The following PCNT variants were observed in gnomAD, a reference collection of about 807,000 sequenced individuals.
The protein encoded by PCNT is kendrin.
Under a neutral mutation model 380.4 loss-of-function variants are expected in PCNT, and 319 were observed. The observed-to-expected ratio is 0.84, with a 90% CI of 0.77 to 0.92. The LOEUF is 0.92. Among genes scored for constraint, PCNT ranks in the 40% least tolerant of loss-of-function variants. The pLI is 0.00. For missense variants in PCNT, 4,400 were observed against 4,255.3 expected (o/e 1.03, Z -0.95); for synonymous variants, 1,845 against 1,735.2 (o/e 1.06, Z -1.57).
At chr21:46,377,684 C>T (rs563237301) in intron 15 of PCNT, among the ~76,000 whole-genome samples, 1 of 152,066 alleles carries the variant, frequency 6.6e-6, no homozygotes, top group African/African-American at 2.4e-5. Context: ...TAAAAAAATA[C>T]TAAAAATAAA....
chr21:46,434,944 C>T (rs755804350), intron 38 of PCNT, among the ~76,000 whole-genome samples: 7 of 152,156 alleles, frequency 4.6e-5, no homozygotes, highest in Non-Finnish European at 1.0e-4. Context: ...CTTTGGACCC[C>T]GCGTGCTTGC....
In PCNT at chr21:46,338,411, T is replaced by C. The variant is rs1453695053; in HGVS notation, c.639+3643T>C. ...TGGAATTCTATAATATGTAGGCTTT[T>C]GGGTCCAGGTTTTTAAATCACTTAG... On this transcript the variant is annotated intron_variant, in intron 3 of 46. Transcript: ENST00000359568. Among the ~76,000 whole-genome samples, 3 of 152,196 alleles carry C rather than the reference T, an allele frequency of 2.0e-5. No individual in the cohort carries two copies. The East Asian group carries it at 5.8e-4, about 29-fold the overall frequency.
rs772478708 is a variant in PCNT, at chr21:46,428,557, G to A, written c.7657G>A (p.Gly2553Arg). 1.1e-5 allele frequency: 18 copies of A among 1,605,716 alleles called. No individual in the cohort carries two copies. Among genetic ancestry groups the A allele is most frequent in the Admixed American group, 6.7e-5 (4 of 59,788 alleles). Residue 2553 changes from glycine to arginine, a missense_variant, in exon 35 of 47, where the codon GGG becomes AGG. By Grantham distance (125) the Gly-to-Arg change is moderately radical (BLOSUM62 -2). Coordinates refer to ENST00000359568, the MANE Select transcript of PCNT (RefSeq NM_006031.6). ...GGCGCTGACAAGCGCAGAGGCGCGC[G>A]GGAGCCAGCAGGAGCACCAGCTGCG... ...RTALTSAEARGSQQEHQLRRQ... is the reference protein window; with the variant it reads ...RTALTSAEARRSQQEHQLRRQ...
chr21:46,394,077 T>A (rs147388127), intron 21 of PCNT, among the ~76,000 whole-genome samples: 2 of 152,354 alleles, frequency 1.3e-5, no homozygotes, highest in Admixed American at 6.5e-5. Flanking sequence ...TGCCCTAGTT[T>A]CTCACTCTGG....
At chr21:46,379,631 G>A (rs1304693822) in intron 15 of PCNT, among the ~76,000 whole-genome samples, 1 of 152,100 alleles carries the variant, frequency 6.6e-6, no homozygotes, top group Non-Finnish European at 1.5e-5. Context: ...TTTTCTTCAT[G>A]TTTCTTTCTG....
chr21:46,427,895 G>A lies in PCNT; in HGVS notation c.7494+100G>A, dbSNP rs186389719. Reference sequence around the variant, plus strand: ...GTTTTGTGTGTGAATTTCGGTTTGTGTGTTTCTCTCGACCGCTGGAATGTG... The same window carrying A: ...GTTTTGTGTGTGAATTTCGGTTTGTATGTTTCTCTCGACCGCTGGAATGTG... On this transcript the variant is annotated intron_variant, in intron 34 of 46. Coordinates refer to ENST00000359568, the MANE Select transcript of PCNT (RefSeq NM_006031.6). The A allele has an allele frequency of 1.8e-4, 247 of 1,352,994 alleles. 2 individuals are homozygous for A. The Middle Eastern group carries it at 2.5e-3, about 13-fold the overall frequency. 83.8% of individuals were successfully genotyped at this position (1,352,994 alleles called of 1,614,324 possible).
chr21:46,433,679 A>G (rs1331625860), intron 38 of PCNT, among the ~76,000 whole-genome samples: 1 of 152,132 alleles, frequency 6.6e-6, no homozygotes, highest in East Asian at 1.9e-4. Flanking sequence ...AAAAATAGTA[A>G]CATGAGTGCT....
In PCNT at chr21:46,326,550, C is replaced by T. The variant is rs753982432; in HGVS notation, c.228C>T (p.Asp76=). 2.5e-6 allele frequency: 4 copies of T among 1,614,094 alleles called. No homozygotes were observed. The South Asian group carries it at 3.3e-5, about 13-fold the overall frequency. ...ACATTTGCAAAAGCACATCATGTGACGACACCCCTGATGGGGCAGGAGGGG... is the reference window on the plus strand; with the variant it reads ...ACATTTGCAAAAGCACATCATGTGATGACACCCCTGATGGGGCAGGAGGGG... ...GGDICKSTSC[D]DTPDGAGGAF... is the part of the protein sequence containing the mutation. The change falls in exon 2 of 47, where the codon GAC becomes GAT. Residue 76 remains aspartate, a synonymous_variant. Transcript: ENST00000359568.
At chr21:46,325,985 G>C (rs2083383396) in intron 1 of PCNT, among the ~76,000 whole-genome samples, 1 of 152,232 alleles carries the variant, frequency 6.6e-6, no homozygotes. Flanking sequence ...TATTTCTTCA[G>C]TTGGGGGAAA....
chr21:46,333,810 C>T (rs2083634959), intron 2 of PCNT, among the ~76,000 whole-genome samples: 1 of 150,894 alleles, frequency 6.6e-6, no homozygotes, highest in Non-Finnish European at 1.5e-5. Context: ...TGCATTGCAG[C>T]CTGGCAACAG....
intron 15 of PCNT, among the ~76,000 whole-genome samples, chr21:46,379,303 C>CG (rs2085435073): frequency 6.6e-6 from 1 of 151,384 alleles, no homozygotes; most frequent in Non-Finnish European, 1.5e-5. Flanking sequence ...TCCCGGGCCG[C>CG]GTGTCGTGAG....
In PCNT at chr21:46,429,992, T is replaced by G; in HGVS notation, c.7691-18T>G. On this transcript the variant is annotated intron_variant, in intron 35 of 46. Transcript: ENST00000359568. ...AGGAGCTCATGGGGGCCTGTTACTG[T>G]TCTTTTGTCTTTCTCAGTTGAACTG... 1 of 1,609,890 alleles carries G rather than the reference T, an allele frequency of 6.2e-7. No homozygotes were observed. The highest frequency in any genetic ancestry group is 1.1e-5 in the South Asian group (1 of 90,948).
chr21:46,444,074 A>C (rs1053643311), intron 45 of PCNT, 126 bp downstream of exon 45: 65 of 1,041,806 alleles, frequency 6.2e-5, no homozygotes, highest in Non-Finnish European at 8.7e-5. Flanking sequence ...GAAACTCTCC[A>C]GCGTGAGTCC....
In PCNT at chr21:46,339,612, C is replaced by T. The variant is rs537702492; in HGVS notation, c.639+4844C>T. Reference sequence around the variant, plus strand: ...AGGCCAGAGGGCTAACCAGTCTAGTCTAGTCCTTCCACGCTCTTCTGCCTG... The same window carrying T: ...AGGCCAGAGGGCTAACCAGTCTAGTTTAGTCCTTCCACGCTCTTCTGCCTG... On this transcript the variant is annotated intron_variant, in intron 3 of 46. Transcript: ENST00000359568. Among the ~76,000 whole-genome samples the T allele has an allele frequency of 3.9e-5, 6 of 152,274 alleles. No individual in the cohort carries two copies. The South Asian group carries it at 1.2e-3, about 32-fold the overall frequency.
At position 46,407,340 on chromosome 21, in the gene PCNT, C is replaced by CTTT. The variant is rs899881614; in HGVS notation, c.5116-3832_5116-3830dup. Among the ~76,000 whole-genome samples, 835 of 106,388 alleles carry CTTT rather than the reference C, an allele frequency of 7.8e-3. 55 individuals are homozygous for CTTT. The highest frequency in any genetic ancestry group is 0.031 in the African/African-American group (785 of 25,430). The allele number at this position is 106,388 out of a possible 152,430, so 69.8% of individuals were successfully genotyped here. A position where few individuals can be genotyped will look rare whatever the true frequency, so the allele number is the denominator to read the frequency against. On this transcript the variant is annotated intron_variant, in intron 27 of 46. Coordinates refer to ENST00000359568, the MANE Select transcript of PCNT (RefSeq NM_006031.6). ...TTGCATAAAGAAGTTTATACTTTCT[C>CTTT]TTTTTTTTTTTTTTTTTTTGAGACG...
chr21:46,352,612 T>C (rs1359828652), intron 9 of PCNT, among the ~76,000 whole-genome samples: 3 of 152,196 alleles, frequency 2.0e-5, no homozygotes, highest in East Asian at 3.9e-4. Context: ...TCCGTGTTGC[T>C]TCTCTGCTGC....
Position 46,430,453 on chromosome 21 carries a change from C to T in PCNT, c.7914-54C>T, listed in dbSNP as rs566889234. ...CTCCCCTCCTGGAGCTCCCAGCCCC[C>T]GGGAACACACTCTGGCCCACGTGGT... On this transcript the variant is annotated intron_variant, in intron 36 of 46. Coordinates refer to ENST00000359568, the MANE Select transcript of PCNT (RefSeq NM_006031.6). 1.1e-4 allele frequency: 166 copies of T among 1,544,480 alleles called. No individual in the cohort carries two copies. The African/African-American group carries it at 1.8e-3, about 17-fold the overall frequency.
At chr21:46,420,977 A>C (rs1424460398) in intron 31 of PCNT, 2 of 152,276 alleles carry the variant, frequency 1.3e-5, no homozygotes, top group Non-Finnish European at 2.9e-5. Context: ...AGGCATTTTG[A>C]GGGGTACAGG....
intron 2 of PCNT, among the ~76,000 whole-genome samples, chr21:46,327,977 G>A (rs1391750545): frequency 6.6e-6 from 1 of 152,190 alleles, no homozygotes; most frequent in South Asian, 2.1e-4. Context: ...CCTGGAGGCG[G>A]GCTGTCCTTG....
Sources: allele counts gnomAD v4.1 joint callset (sites outside exome capture counted in the v4.1 genomes callset), GRCh38; gene constraint gnomAD v4.1.1; transcripts MANE v1.5; gene names NCBI Gene and HGNC (gene_info 2026-07-23, HGNC 2026-07-21).